The following SPART variants were observed in gnomAD, a reference collection of about 807,000 sequenced individuals.
The protein encoded by SPART is spartin.
In SPART, 35 loss-of-function variants were observed where a neutral mutation model predicts 58.7. That is an observed-to-expected ratio of 0.60 (90% confidence interval 0.46 to 0.79). The LOEUF is 0.79. SPART is among the 30% of genes least tolerant of loss of function. SPART has a pLI of 0.00. For synonymous variants in SPART, 284 were observed against 280.7 expected (o/e 1.01, Z -0.12); for missense variants, 730 against 786.1 (o/e 0.93, Z 0.85).
At chr13:36,337,349 C>G (rs918027544) in intron 1 of SPART, among the ~76,000 whole-genome samples, 1 of 152,054 alleles carries the variant, frequency 6.6e-6, no homozygotes, top group Non-Finnish European at 1.5e-5. Context: ...TATGGTTTGG[C>G]GATGTCCCCA....
chr13:36,304,723 G>C (rs1880334064), intron 8 of SPART, 91 bp from the exon 9 acceptor site: 12 of 1,379,856 alleles, frequency 8.7e-6, no homozygotes, highest in Middle Eastern at 4.8e-4. Context: ...AATGATTACT[G>C]TGTTACCCCT....
chr13:36,348,852 A>T (rs1387742925), upstream of SPART, among the ~76,000 whole-genome samples: 2 of 152,192 alleles, frequency 1.3e-5, no homozygotes, highest in Non-Finnish European at 2.9e-5. Context: ...TGATCCTAAA[A>T]TTCATACAAT....
chr13:36,344,532 G>A (rs1167731723), intron 1 of SPART, among the ~76,000 whole-genome samples: 1 of 152,144 alleles, frequency 6.6e-6, no homozygotes, highest in African/African-American at 2.4e-5. Flanking sequence ...GTCAATTTCA[G>A]TCTAATCTCT....
intron 2 of SPART, among the ~76,000 whole-genome samples, chr13:36,334,147 T>C (rs1179081461): frequency 6.6e-6 from 1 of 152,178 alleles, no homozygotes; most frequent in African/African-American, 2.4e-5. Flanking sequence ...CAAACTCCTT[T>C]GTTATATTCA....
chr13:36,347,001 C>A (rs141429051), upstream of SPART, among the ~76,000 whole-genome samples: 1 of 152,300 alleles, frequency 6.6e-6, no homozygotes, highest in African/African-American at 2.4e-5. Flanking sequence ...TGTGTAAAGT[C>A]TATATCACTA....
intron 2 of SPART, among the ~76,000 whole-genome samples, chr13:36,334,689 A>C (rs1485284929): frequency 6.6e-6 from 1 of 152,178 alleles, no homozygotes; most frequent in Non-Finnish European, 1.5e-5. Context: ...ACAGCTATAC[A>C]TCCACAGGAA....
rs751312901 is a variant in SPART, at chr13:36,335,788, T to C, written c.43A>G (p.Ile15Val). 5.0e-5 allele frequency: 80 copies of C among 1,613,580 alleles called. No individual in the cohort carries two copies. Among genetic ancestry groups the C allele is most frequent in the Non-Finnish European group, 6.6e-5 (78 of 1,180,020 alleles). The change falls in exon 2 of 9, where the codon ATC becomes GTC. Residue 15 changes from isoleucine to valine, a missense_variant. Transcript: ENST00000438666. ...PQNGEPAEIKIIREAYKKAFL... is the reference protein window; with the variant it reads ...PQNGEPAEIKVIREAYKKAFL... ...GCCTTCTTATATGCTTCTCTGATGATCTTAATTTCAGCAGGTTCTCCATTT... is the reference window on the plus strand; with the variant it reads ...GCCTTCTTATATGCTTCTCTGATGACCTTAATTTCAGCAGGTTCTCCATTT...
chr13:36,338,208 T>C (rs1884209599), intron 1 of SPART, among the ~76,000 whole-genome samples: 1 of 152,166 alleles, frequency 6.6e-6, no homozygotes, highest in East Asian at 1.9e-4. Context: ...CATTAAACTA[T>C]ACATTTAAGA....
At chr13:36,368,445 A>T (rs554401762) in intron 1 of SPART, 1 of 156,396 alleles carries the variant, frequency 6.4e-6, no homozygotes, top group South Asian at 1.8e-4. Flanking sequence ...ACCCCTCCTT[A>T]TTAAAAAAAA....
intron 1 of SPART, among the ~76,000 whole-genome samples, chr13:36,340,946 T>C (rs1223201529): frequency 6.6e-6 from 1 of 152,140 alleles, no homozygotes; most frequent in African/African-American, 2.4e-5. Context: ...AATCTCAATA[T>C]AAACAAAATT....
intron 1 of SPART, among the ~76,000 whole-genome samples, chr13:36,359,094 A>C (rs1885737439): frequency 6.6e-6 from 1 of 152,236 alleles, no homozygotes; most frequent in Non-Finnish European, 1.5e-5. Context: ...AACCACAGCA[A>C]GTACCAGACA....
chr13:36,360,022 G>A (rs9575990), intron 1 of SPART, among the ~76,000 whole-genome samples: 75,711 of 150,906 alleles, frequency 0.5, 19,379 homozygotes, highest in East Asian at 0.81. Flanking sequence ...TAGGCTGGGC[G>A]CGGTGGCTCA....
rs199501700 is a variant in SPART at position 36,335,128 on chromosome 13, G to T, written c.703C>A (p.Pro235Thr). 6.2e-7 allele frequency: 1 copy of T among 1,613,928 alleles called. No homozygotes were observed. The highest frequency in any genetic ancestry group is 1.3e-5 in the African/African-American group (1 of 74,982). ...PNGVQIFFVN[P>T]AGEVSAPSYP... ...GAAGGTGCACTAACCTCCCCTGCAG[G>T]ATTTACAAAAAAAATCTGTACTCCA... is the stretch of plus-strand genomic sequence containing the variant. Residue 235 changes from proline (P) to threonine (T), a missense_variant, in exon 2 of 9, where the codon CCT becomes ACT. By Grantham distance (38) the Pro-to-Thr change is conservative. Transcript: ENST00000438666.
rs115350922 is a variant in SPART at position 36,342,415 on chromosome 13, A to G, written c.-3+3810T>C. Among the ~76,000 whole-genome samples, 1,357 of 152,328 alleles carry G rather than the reference A, an allele frequency of 8.9e-3. 23 individuals carry two copies. The highest frequency in any genetic ancestry group is 0.031 in the African/African-American group (1,295 of 41,560). On this transcript the variant is annotated intron_variant, in intron 1 of 8. Transcript: ENST00000438666. ...AGATCATACATGGCCCCAAAAGCCT[A>G]AAATATTTACTATCTGGCACTTAAC...
chr13:36,353,633 A>G (rs1014981672), intron 1 of SPART, among the ~76,000 whole-genome samples: 9 of 152,172 alleles, frequency 5.9e-5, no homozygotes, highest in Admixed American at 5.9e-4. Context: ...GTCAGGAATC[A>G]GGAATAATTC....
intron 1 of SPART, among the ~76,000 whole-genome samples, chr13:36,366,706 G>A (rs190558267): frequency 1.3e-5 from 2 of 152,062 alleles, no homozygotes; most frequent in East Asian, 3.9e-4. Context: ...GTCTCTGTAC[G>A]GGGGAATTTC....
intron 1 of SPART, among the ~76,000 whole-genome samples, chr13:36,360,904 G>A (rs1410250928): frequency 1.3e-5 from 2 of 152,142 alleles, no homozygotes; most frequent in Non-Finnish European, 2.9e-5. Context: ...AGAACCTTTT[G>A]AGATGCCATG....
Position 36,303,157 on chromosome 13 carries a change from T to C in SPART, c.*1208A>G, listed in dbSNP as rs1005197714. On this transcript the variant is annotated 3_prime_UTR_variant, in exon 9 of 9. Coordinates refer to ENST00000438666, the MANE Select transcript of SPART (RefSeq NM_015087.5). ...TAACGAGGTCAGGCAATTCAGTTTT[T>C]TAATTCATAAAGTGCATTCTTCAGA... 2 of 152,202 alleles carry C rather than the reference T, an allele frequency of 1.3e-5. No individual in the cohort carries two copies. Among genetic ancestry groups the C allele is most frequent in the Non-Finnish European group, 2.9e-5 (2 of 68,026 alleles). 9.4% of individuals were successfully genotyped at this position (152,202 alleles called of 1,614,324 possible). A position where few individuals can be genotyped will look rare whatever the true frequency, so the allele number is the denominator to read the frequency against.
chr13:36,347,895 A>T (rs1049954066), upstream of SPART, among the ~76,000 whole-genome samples: 5 of 152,204 alleles, frequency 3.3e-5, no homozygotes, highest in Admixed American at 2.6e-4. Flanking sequence ...CTACATGAAC[A>T]AGCTTTTAAC....
Sources: gnomAD v4.1 joint callset for allele counts (sites outside exome capture counted in the v4.1 genomes callset) on GRCh38, gnomAD v4.1.1 for gene constraint, MANE v1.5 for transcripts, NCBI Gene and HGNC (gene_info 2026-07-23, HGNC 2026-07-21) for gene names.